Variants in SGIP1 observed in about 807,000 individuals in gnomAD.
The protein encoded by SGIP1 is SH3GL interacting endocytic adaptor 1.
A neutral mutation model predicts 107.5 loss-of-function variants in SGIP1; 38 were observed. That is an observed-to-expected ratio of 0.35 (90% CI 0.27 to 0.46). The LOEUF (loss-of-function observed/expected upper bound fraction) is 0.46. SGIP1 is among the 20% of genes least tolerant of loss of function. The pLI is 1.00. For missense variants in SGIP1, 929 were observed against 1,019.5 expected (o/e 0.91, Z 1.21); for synonymous variants, 365 against 366.1 (o/e 1.00, Z 0.03).
intron 1 of SGIP1, among the ~76,000 whole-genome samples, chr1:66,553,710 A>G (rs1355781372): frequency 1.3e-5 from 2 of 151,850 alleles, no homozygotes; most frequent in African/African-American, 4.8e-5. Flanking sequence ...GGAAAGTGAA[A>G]TAATTTGATT....
In SGIP1 at chr1:66,729,551, C is replaced by T. The variant is rs563830833; in HGVS notation, c.1898+132C>T. 1.6e-5 allele frequency: 19 copies of T among 1,220,420 alleles called. No homozygotes were observed. In the African/African-American group the frequency reaches 2.0e-4, roughly 13 times the overall value. The allele number at this position is 1,220,420 out of a possible 1,614,324, so 75.6% of individuals were successfully genotyped here. On this transcript the variant is annotated intron_variant, in intron 20 of 24. Transcript: ENST00000371037. Reference sequence around the variant, plus strand: ...CACCACTCAGATATATTTGTAGATTCAAGCACAGAACTTTTACCAGCTATC... The same window carrying T: ...CACCACTCAGATATATTTGTAGATTTAAGCACAGAACTTTTACCAGCTATC...
chr1:66,572,797 A>T (rs1482475171), intron 1 of SGIP1, among the ~76,000 whole-genome samples: 1 of 152,134 alleles, frequency 6.6e-6, no homozygotes, highest in Non-Finnish European at 1.5e-5. Context: ...GAGAATAAAA[A>T]TTTGACATGA....
chr1:66,621,598 C>A (rs2071145263), intron 1 of SGIP1, among the ~76,000 whole-genome samples: 1 of 152,166 alleles, frequency 6.6e-6, no homozygotes, highest in Non-Finnish European at 1.5e-5. Context: ...AGCAGCCATT[C>A]CCCTTTCCCA....
chr1:66,599,130 A>G (rs1381050815), intron 1 of SGIP1, among the ~76,000 whole-genome samples: 1 of 152,202 alleles, frequency 6.6e-6, no homozygotes, highest in Non-Finnish European at 1.5e-5. Flanking sequence ...TTTTCAAACA[A>G]CTACTAAGTT....
intron 21 of SGIP1, among the ~76,000 whole-genome samples, 164 bp downstream of exon 21, chr1:66,734,044 C>T (rs1200293896): frequency 6.6e-6 from 1 of 152,070 alleles, no homozygotes; most frequent in Non-Finnish European, 1.5e-5. Flanking sequence ...TTGGGGACTA[C>T]TGACAAAAAT....
At chr1:66,669,499 T>A (rs2083301625) in intron 9 of SGIP1, among the ~76,000 whole-genome samples, 1 of 152,208 alleles carries the variant, frequency 6.6e-6, no homozygotes, top group Admixed American at 6.5e-5. Flanking sequence ...TTCCTTCAGA[T>A]CTTATTAATG....
chr1:66,697,626 G>A (rs953589934), intron 18 of SGIP1, among the ~76,000 whole-genome samples: 1 of 152,164 alleles, frequency 6.6e-6, no homozygotes, highest in African/African-American at 2.4e-5. Flanking sequence ...AACTAAAAAT[G>A]ATGTCTTGCT....
intron 19 of SGIP1, among the ~76,000 whole-genome samples, chr1:66,729,058 A>T (rs2093891734): frequency 6.6e-6 from 1 of 152,032 alleles, no homozygotes; most frequent in Non-Finnish European, 1.5e-5. Flanking sequence ...CCCCCAAGTC[A>T]CATGTTTACC....
intron 1 of SGIP1, among the ~76,000 whole-genome samples, chr1:66,589,224 C>G (rs4655631): frequency 0.64 from 67,899 of 106,616 alleles, 22,828 homozygotes; most frequent in East Asian, 0.98. Context: ...ATATGTAAGG[C>G]TTGGGGTAAA....
At chr1:66,564,264 C>A (rs1175333059) in intron 1 of SGIP1, among the ~76,000 whole-genome samples, 3 of 151,870 alleles carry the variant, frequency 2.0e-5, no homozygotes, top group Non-Finnish European at 4.4e-5. Flanking sequence ...GAGTGGCATA[C>A]CTGGACTTGA....
chr1:66,659,872 T>A (rs545626149), intron 7 of SGIP1, among the ~76,000 whole-genome samples: 29 of 146,916 alleles, frequency 2.0e-4, no homozygotes, highest in African/African-American at 6.1e-4. Context: ...ATTATGCCAC[T>A]GCACTCCTCC....
chr1:66,534,116 C>G (rs1193010380), upstream of SGIP1: 2 of 589,420 alleles, frequency 3.4e-6, no homozygotes, highest in Admixed American at 6.0e-5. Flanking sequence ...GGCGGTGCAG[C>G]TCGGCCAGCT....
chr1:66,583,226 C>CA (rs557306215), intron 1 of SGIP1, among the ~76,000 whole-genome samples: 122 of 152,134 alleles, frequency 8.0e-4, no homozygotes, highest in Non-Finnish European at 1.4e-3. Context: ...TGGAATTGTG[C>CA]AAGAGATGAG....
chr1:66,610,383 G>C (rs1161109106), intron 1 of SGIP1, among the ~76,000 whole-genome samples: 2 of 152,186 alleles, frequency 1.3e-5, no homozygotes, highest in African/African-American at 4.8e-5. Context: ...GAAGTAAAGG[G>C]ATGAAAGTTT....
intron 1 of SGIP1, among the ~76,000 whole-genome samples, chr1:66,561,844 T>C (rs768280588): frequency 2.3e-4 from 35 of 152,168 alleles, no homozygotes; most frequent in Non-Finnish European, 4.4e-4. Flanking sequence ...GAAACAGATA[T>C]ATGTTTTATT....
chr1:66,686,030 A>G (rs2088137785), intron 15 of SGIP1, among the ~76,000 whole-genome samples: 1 of 152,090 alleles, frequency 6.6e-6, no homozygotes, highest in Admixed American at 6.5e-5. Flanking sequence ...CATATCTCAA[A>G]GTGCATATGT....
rs2089521456 is a variant in SGIP1, at chr1:66,690,248, C to T, written c.1502C>T (p.Ala501Val). Residue 501 changes from alanine (A) to valine (V), a missense_variant, in exon 17 of 25, where the codon GCG becomes GTG. Physicochemically the swap from Ala to Val is moderately conservative, Grantham distance 64. This residue lies in a region of SGIP1 where 341 missense variants were observed against 430.9 expected (regional missense o/e 0.79). Coordinates refer to ENST00000371037, the MANE Select transcript of SGIP1 (RefSeq NM_032291.4). ...AGCCCTCCTCCAATAGCACCCTTAG[C>T]GCGGGCTGAAAGCACTTCTTCAATA... ...SSSPPPIAPLARAESTSSISS... is the reference protein window; with the variant it reads ...SSSPPPIAPLVRAESTSSISS... 3 of 1,614,158 alleles carry T rather than the reference C, an allele frequency of 1.9e-6. No homozygotes were observed. The highest frequency in any genetic ancestry group is 1.7e-5 in the Admixed American group (1 of 60,024).
At chr1:66,621,752 A>G (rs1310914470) in intron 1 of SGIP1, among the ~76,000 whole-genome samples, 1 of 152,222 alleles carries the variant, frequency 6.6e-6, no homozygotes, top group Non-Finnish European at 1.5e-5. Flanking sequence ...TTCAAGGTTC[A>G]TTCACGTTGC....
chr1:66,583,784 C>T (rs1209868064), intron 1 of SGIP1, among the ~76,000 whole-genome samples: 1 of 152,120 alleles, frequency 6.6e-6, no homozygotes, highest in South Asian at 2.1e-4. Context: ...TGATTATCAG[C>T]CCCATGAAGG....
Sources: gnomAD v4.1 joint callset for allele counts (sites outside exome capture counted in the v4.1 genomes callset) on GRCh38, gnomAD v4.1.1 for gene constraint, gnomAD v4.1.1 regional missense constraint, MANE v1.5 for transcripts, NCBI Gene and HGNC (gene_info 2026-07-23, HGNC 2026-07-21) for gene names.